MAGI2: variants seen among roughly 807,000 people sequenced by gnomAD.
MAGI2 encodes membrane-associated guanylate kinase, WW and PDZ domain-containing protein 2.
Under a neutral mutation model 133.3 loss-of-function variants are expected in MAGI2, and 35 were observed. The observed-to-expected ratio is 0.26, with a 90% CI of 0.20 to 0.35. The LOEUF (loss-of-function observed/expected upper bound fraction) is 0.35. Among genes scored for constraint, MAGI2 ranks in the 10% least tolerant of loss-of-function variants. The probability of loss-of-function intolerance (pLI) is 1.00; values close to 1 mark genes in which losing one functional copy is unlikely to be tolerated. For missense variants in MAGI2, 1,636 were observed against 1,863.4 expected (o/e 0.88, Z 2.25); for synonymous variants, 729 against 710.6 (o/e 1.03, Z -0.41).
intron 9 of MAGI2, among the ~76,000 whole-genome samples, chr7:78,337,481 C>G (rs1474219265): frequency 6.6e-6 from 1 of 152,172 alleles, no homozygotes; most frequent in Non-Finnish European, 1.5e-5. Flanking sequence ...CTTTTTGGTA[C>G]AGAGGATTTT....
intron 2 of MAGI2, among the ~76,000 whole-genome samples, chr7:78,999,098 C>T (rs1463147029): frequency 6.6e-6 from 1 of 152,030 alleles, no homozygotes; most frequent in Non-Finnish European, 1.5e-5. Flanking sequence ...TATATTTCAC[C>T]TGCGTTTATG....
chr7:78,892,081 A>G (rs1796810143), intron 2 of MAGI2, among the ~76,000 whole-genome samples: 1 of 152,206 alleles, frequency 6.6e-6, no homozygotes, highest in South Asian at 2.1e-4. Context: ...CTTATACACC[A>G]ATAGCAGACA....
chr7:79,135,766 C>A (rs1034724291), intron 1 of MAGI2, among the ~76,000 whole-genome samples: 1 of 151,678 alleles, frequency 6.6e-6, no homozygotes, highest in Non-Finnish European at 1.5e-5. Flanking sequence ...CATAGCAATA[C>A]TCTGTCTCTA....
chr7:78,521,086 A>G (rs955890051), intron 4 of MAGI2, among the ~76,000 whole-genome samples: 13 of 152,166 alleles, frequency 8.5e-5, no homozygotes, highest in Admixed American at 5.9e-4. Flanking sequence ...ACCATATATA[A>G]GACTTGCAAT....
At chr7:78,816,281 A>G (rs1007085561) in intron 2 of MAGI2, among the ~76,000 whole-genome samples, 1 of 152,184 alleles carries the variant, frequency 6.6e-6, no homozygotes. Context: ...TGTTAATGAG[A>G]TTTAAGAAAA....
At position 78,285,842 on chromosome 7, in the gene MAGI2, A is replaced by T. The variant is rs904980443; in HGVS notation, c.1409-29261T>A. ...CACAGTGTGAATAACAAGCCTCTAG[A>T]CCTGCAGTTCATACTTGAGTTGGCA... On this transcript the variant is annotated intron_variant, in intron 9 of 21. Transcript: ENST00000354212. 2.6e-5 allele frequency: 4 copies of T among 152,136 alleles called. No homozygotes were observed. The South Asian group carries it at 8.3e-4, about 32-fold the overall frequency. 9.4% of individuals were successfully genotyped at this position (152,136 alleles called of 1,614,324 possible).
chr7:79,298,833 C>T (rs1160077142), intron 1 of MAGI2, among the ~76,000 whole-genome samples: 1 of 152,128 alleles, frequency 6.6e-6, no homozygotes, highest in Non-Finnish European at 1.5e-5. Flanking sequence ...GAAACACATA[C>T]ATGCAGAGGG....
intron 2 of MAGI2, among the ~76,000 whole-genome samples, chr7:78,879,845 T>C (rs956936083): frequency 6.6e-6 from 1 of 152,014 alleles, no homozygotes; most frequent in Non-Finnish European, 1.5e-5. Context: ...TTTTAATCAA[T>C]CCAGAAAACT....
At chr7:79,281,259 G>A (rs1835619354) in intron 1 of MAGI2, among the ~76,000 whole-genome samples, 1 of 152,248 alleles carries the variant, frequency 6.6e-6, no homozygotes, top group East Asian at 1.9e-4. Context: ...GTGAAGGCTG[G>A]ATATTCATAA....
intron 2 of MAGI2, among the ~76,000 whole-genome samples, chr7:78,676,665 G>A (rs1042245711): frequency 6.6e-6 from 1 of 151,800 alleles, no homozygotes; most frequent in African/African-American, 2.4e-5. Context: ...TTGAAAAACC[G>A]GTGTTTTCAG....
intron 9 of MAGI2, among the ~76,000 whole-genome samples, chr7:78,297,658 G>A (rs1370954626): frequency 2.0e-5 from 3 of 151,812 alleles, no homozygotes; most frequent in Non-Finnish European, 2.9e-5. Flanking sequence ...CATAAAAAAT[G>A]ATTAGTTCAT....
chr7:78,651,610 T>G (rs1160163510), intron 2 of MAGI2, among the ~76,000 whole-genome samples: 3 of 152,148 alleles, frequency 2.0e-5, no homozygotes, highest in Admixed American at 1.3e-4. Flanking sequence ...TATCAAAGAA[T>G]TAGCATTCTA....
chr7:79,189,261 C>T (rs1585157490), intron 1 of MAGI2, among the ~76,000 whole-genome samples: 1 of 135,972 alleles, frequency 7.4e-6, no homozygotes, highest in Non-Finnish European at 1.5e-5. Flanking sequence ...GTCTCCAAAC[C>T]AAGACAATCC....
At chr7:78,411,289 C>T (rs6944339) in intron 6 of MAGI2, among the ~76,000 whole-genome samples, 118,622 of 151,870 alleles carry the variant, frequency 0.78, 46,508 homozygotes, top group East Asian at 0.91. Context: ...GCATCTCGTA[C>T]TGTATAAATT....
intron 9 of MAGI2, among the ~76,000 whole-genome samples, chr7:78,318,665 C>T (rs1088554): frequency 0.5 from 75,949 of 151,856 alleles, 20,964 homozygotes; most frequent in African/African-American, 0.74. Flanking sequence ...GGACACATAA[C>T]CATCAGGTTT....
At chr7:79,055,089 C>T (rs1024072470) in intron 1 of MAGI2, among the ~76,000 whole-genome samples, 4 of 152,212 alleles carry the variant, frequency 2.6e-5, no homozygotes, top group Admixed American at 6.5e-5. Context: ...CCACCATGTC[C>T]GGCCTCCTTG....
At chr7:79,213,398 G>A (rs1271661959) in intron 1 of MAGI2, among the ~76,000 whole-genome samples, 2 of 151,598 alleles carry the variant, frequency 1.3e-5, no homozygotes, top group Non-Finnish European at 2.9e-5. Flanking sequence ...TGCCTAGGCT[G>A]GTCCCAAACC....
At chr7:79,276,983 T>A (rs973888479) in intron 1 of MAGI2, among the ~76,000 whole-genome samples, 8 of 151,434 alleles carry the variant, frequency 5.3e-5, no homozygotes, top group Middle Eastern at 3.4e-3. Flanking sequence ...AATAATAATA[T>A]TAATAAAATA....
intron 1 of MAGI2, among the ~76,000 whole-genome samples, chr7:79,343,566 T>C (rs1841071572): frequency 6.6e-6 from 1 of 151,324 alleles, no homozygotes; most frequent in African/African-American, 2.4e-5. Flanking sequence ...AAAAAGGCAT[T>C]GGCCCCAAAT....
Sources: allele counts gnomAD v4.1 joint callset (sites outside exome capture counted in the v4.1 genomes callset), GRCh38; gene constraint gnomAD v4.1.1; transcripts MANE v1.5; gene names NCBI Gene and HGNC (gene_info 2026-07-23, HGNC 2026-07-21).